The following EPS8 variants were observed in gnomAD, a reference collection of about 807,000 sequenced individuals.
EPS8 encodes EGFR pathway substrate 8, signaling adaptor.
Under a neutral mutation model 103.8 loss-of-function variants are expected in EPS8, and 42 were observed. The observed-to-expected ratio is 0.40, with a 90% CI of 0.32 to 0.52. The LOEUF is 0.52. Among genes scored for constraint, EPS8 ranks in the 20% least tolerant of loss-of-function variants. EPS8 has a pLI of 0.40. For synonymous variants in EPS8, 344 were observed against 344.6 expected, an observed-to-expected ratio of 1.00 and a Z score of 0.02; for missense variants, 969 against 1,005.1, an observed-to-expected ratio of 0.96 and a Z score of 0.49.
chr12:15,740,214 C>T (rs190618818), intron 1 of EPS8, among the ~76,000 whole-genome samples: 28 of 152,236 alleles, frequency 1.8e-4, no homozygotes, highest in Non-Finnish European at 3.7e-4. Flanking sequence ...CTTAAAAACT[C>T]TAGAGCACCT....
chr12:15,640,641 A>T (rs1945212318), intron 17 of EPS8, 62 bp downstream of exon 17: 3 of 1,480,104 alleles, frequency 2.0e-6, no homozygotes, highest in African/African-American at 1.4e-5. Context: ...TTTAAATCCT[A>T]CTTAAGAGTG....
chr12:15,777,762 T>C lies in EPS8; in HGVS notation c.-22+11399A>G, dbSNP rs996276754. On this transcript the variant is annotated intron_variant, in intron 1 of 20. Transcript: ENST00000281172. The surrounding 1 kb of genome is among the most constrained non-coding windows in gnomAD (Gnocchi z 4.7). ...AACGAGCAAAAGGAGGGGGAACAGC[T>C]GGGAGGAGGAAAAGAGTTGGGAAAG... 1.3e-5 allele frequency among the ~76,000 whole-genome samples: 2 copies of C among 152,062 alleles called. No individual in the cohort carries two copies. The highest frequency in any genetic ancestry group is 2.4e-5 in the African/African-American group (1 of 41,410).
At position 15,785,561 on chromosome 12, in the gene EPS8, T is replaced by C. The variant is rs1372511692; in HGVS notation, c.-22+3600A>G. 6.6e-6 allele frequency among the ~76,000 whole-genome samples: 1 copy of C among 152,078 alleles called. No individual in the cohort carries two copies. Among genetic ancestry groups the C allele is most frequent in the Non-Finnish European group, 1.5e-5 (1 of 67,934 alleles). ...GGATACAAACTGTTACATAAAAATATGTACAGATATGTTCATATACACACA... is the reference window on the plus strand; with the variant it reads ...GGATACAAACTGTTACATAAAAATACGTACAGATATGTTCATATACACACA... On this transcript the variant is annotated intron_variant, in intron 1 of 20. Transcript: ENST00000281172. The surrounding 1 kb of genome is among the most constrained non-coding windows in gnomAD (Gnocchi z 4.9).
chr12:15,724,058 T>C (rs1378116730), intron 1 of EPS8, among the ~76,000 whole-genome samples: 1 of 152,174 alleles, frequency 6.6e-6, no homozygotes, highest in Non-Finnish European at 1.5e-5. Flanking sequence ...TATGGCTTCT[T>C]AATATGAAAT....
intron 1 of EPS8, among the ~76,000 whole-genome samples, chr12:15,737,093 A>AT (rs1348454835): frequency 1.3e-5 from 2 of 152,176 alleles, no homozygotes; most frequent in Non-Finnish European, 2.9e-5. Context: ...CTCAGGCCTC[A>AT]TACCTAGTAC....
intron 1 of EPS8, among the ~76,000 whole-genome samples, chr12:15,720,626 T>C (rs1946584796): frequency 6.6e-6 from 1 of 152,216 alleles, no homozygotes; most frequent in Admixed American, 6.5e-5. Context: ...GTTATTTACT[T>C]AGAACGCTTC....
chr12:15,659,518 G>T (rs1246024721), intron 10 of EPS8, among the ~76,000 whole-genome samples: 4 of 152,118 alleles, frequency 2.6e-5, no homozygotes, highest in Non-Finnish European at 1.5e-5. Context: ...CTTTCATAGA[G>T]AATTTCAAAA....
chr12:15,623,578 T>A (rs192337537), intron 19 of EPS8, among the ~76,000 whole-genome samples: 1 of 152,220 alleles, frequency 6.6e-6, no homozygotes, highest in Non-Finnish European at 1.5e-5. Context: ...ATAGAAGGAA[T>A]AGATAACTTT....
At chr12:15,768,211 G>C (rs200215207) in intron 1 of EPS8, among the ~76,000 whole-genome samples, 1 of 151,922 alleles carries the variant, frequency 6.6e-6, no homozygotes, top group Non-Finnish European at 1.5e-5. Flanking sequence ...AGGCCAAGGC[G>C]GGTGGATCAC....
intron 3 of EPS8, among the ~76,000 whole-genome samples, chr12:15,679,675 C>T (rs565698521): frequency 6.6e-6 from 1 of 152,278 alleles, no homozygotes; most frequent in East Asian, 1.9e-4. Context: ...ACCAGTGCAC[C>T]TCCTACACAC....
rs1425896647 is a variant in EPS8 at position 15,761,928 on chromosome 12, G to C, written c.-22+27233C>G. 3.3e-5 allele frequency among the ~76,000 whole-genome samples: 5 copies of C among 152,048 alleles called. No homozygotes were observed. Among genetic ancestry groups the C allele is most frequent in the Non-Finnish European group, 7.4e-5 (5 of 68,016 alleles). On this transcript the variant is annotated intron_variant, in intron 1 of 20. Transcript: ENST00000281172. This position sits in a 1 kb window ranked among gnomAD's most constrained non-coding sequence, Gnocchi z 4.5. ...AGAACAGGCAACCAAAACGAAAAGG[G>C]ACAAATGGGATCATATCAAGTTAAA...
Position 15,682,964 on chromosome 12 carries a change from T to A in EPS8, c.-13A>T. On this transcript the variant is annotated 5_prime_UTR_variant, in exon 2 of 21. The change creates a new upstream start codon in the 5' untranslated region. Transcript: ENST00000281172. ...TATGACCATTCATTGTGTCTTTCAC[T>A]TGTGTGTTCTAAAAAAAGAAAGACA... 6.4e-7 allele frequency: 1 copy of A among 1,560,228 alleles called. No individual in the cohort carries two copies. The highest frequency in any genetic ancestry group is 8.7e-7 in the Non-Finnish European group (1 of 1,150,900).
chr12:15,637,047 A>C (rs1430148373), intron 17 of EPS8, among the ~76,000 whole-genome samples: 1 of 152,244 alleles, frequency 6.6e-6, no homozygotes, highest in African/African-American at 2.4e-5. Context: ...TTTGAGACGG[A>C]GTCTCGCTCT....
At position 15,647,262 on chromosome 12, in the gene EPS8, T is replaced by A. The variant is rs1945336251; in HGVS notation, c.1435-2A>T. Reference sequence around the variant, plus strand: ...ATGATACTCTGATACACTGGAATGCTGAAAGACAAAGTGGGGCAGATTAAA... The same window carrying A: ...ATGATACTCTGATACACTGGAATGCAGAAAGACAAAGTGGGGCAGATTAAA... On this transcript the variant is annotated splice_acceptor_variant, in intron 14 of 20. Coordinates refer to ENST00000281172, the MANE Select transcript of EPS8 (RefSeq NM_004447.6). LOFTEE classifies it high-confidence loss of function. The A allele has an allele frequency of 6.2e-7, 1 of 1,610,284 alleles. No homozygotes were observed. The highest frequency in any genetic ancestry group is 8.5e-7 in the Non-Finnish European group (1 of 1,178,324).
chr12:15,660,539 C>T (rs886674315), intron 10 of EPS8, 75 bp downstream of exon 10: 7 of 788,866 alleles, frequency 8.9e-6, no homozygotes, highest in Non-Finnish European at 1.6e-5. Flanking sequence ...GCTGGGATTA[C>T]AGGTGTGAGC....
intron 15 of EPS8, among the ~76,000 whole-genome samples, chr12:15,644,157 G>T (rs1945279735): frequency 6.6e-6 from 1 of 152,162 alleles, no homozygotes; most frequent in African/African-American, 2.4e-5. Context: ...CTGAGTCTCA[G>T]CCAATCCCAG....
intron 17 of EPS8, among the ~76,000 whole-genome samples, chr12:15,636,701 ATTTGGTGACTC>A (rs1945141372): frequency 1.3e-5 from 2 of 152,190 alleles, no homozygotes; most frequent in Admixed American, 1.3e-4. Flanking sequence ...TTTTTTAAGT[ATTTGGTGACTC>A]ACAGATGTTG....
At chr12:15,622,655 C>A (rs182825467) in intron 20 of EPS8, among the ~76,000 whole-genome samples, 1 of 152,172 alleles carries the variant, frequency 6.6e-6, no homozygotes, top group Admixed American at 6.5e-5. Flanking sequence ...TGATTAAATA[C>A]TTTTCCAGGC....
chr12:15,657,263 G>A (rs58055571), intron 12 of EPS8, among the ~76,000 whole-genome samples: 2,411 of 152,144 alleles, frequency 0.016, 60 homozygotes, highest in African/African-American at 0.055. Flanking sequence ...TTCTTTCAGG[G>A]ATCCACATGA....
Sources: gnomAD v4.1 joint callset for allele counts (sites outside exome capture counted in the v4.1 genomes callset) on GRCh38, gnomAD v4.1.1 for gene constraint, Gnocchi (gnomAD v3.1) non-coding constraint, MANE v1.5 for transcripts, NCBI Gene and HGNC (gene_info 2026-07-23, HGNC 2026-07-21) for gene names.